LRP2: variants seen among roughly 807,000 people sequenced by gnomAD.
The protein encoded by LRP2 is LDL receptor related protein 2.
In LRP2, 172 loss-of-function variants were observed where a neutral mutation model predicts 531.0. The ratio of observed to expected loss-of-function variants is 0.32; its 90% confidence interval spans 0.29 to 0.37. The LOEUF is 0.37. Among genes scored for constraint, LRP2 ranks in the 10% least tolerant of loss-of-function variants. The pLI is 1.00. For synonymous variants in LRP2, 1,992 were observed against 2,027.6 expected (o/e 0.98, Z 0.47); for missense variants, 5,167 against 5,868.3 (o/e 0.88, Z 3.90).
chr2:169,265,761 C>T (rs553687374), intron 16 of LRP2, among the ~76,000 whole-genome samples: 2 of 152,008 alleles, frequency 1.3e-5, no homozygotes, highest in Admixed American at 6.6e-5. Context: ...TATCATGTAA[C>T]TTGTTTCAGC....
Position 169,152,840 on chromosome 2 carries a change from G to A in LRP2, c.12420C>T (p.Tyr4140=), listed in dbSNP as rs34663643. ...LVQEVDLKLK[Y]VMQPDGIAVD... is the part of the protein sequence containing the mutation. Reference sequence around the variant, plus strand: ...CTGCTATTCCATCTGGCTGCATTACGTATTTCAGTTTCAGGTCAACTTCCT... The same window carrying A: ...CTGCTATTCCATCTGGCTGCATTACATATTTCAGTTTCAGGTCAACTTCCT... Residue 4140 remains tyrosine (Y), a synonymous_variant, in exon 67 of 79, where the codon TAC becomes TAT. Coordinates refer to ENST00000649046, the MANE Select transcript of LRP2 (RefSeq NM_004525.3). 440 of 1,613,934 alleles carry A rather than the reference G, an allele frequency of 2.7e-4. No homozygotes were observed. Among genetic ancestry groups the A allele is most frequent in the African/African-American group, 1.2e-3 (90 of 74,902 alleles).
chr2:169,202,384 G>A (rs929758516), intron 43 of LRP2, among the ~76,000 whole-genome samples: 3 of 152,166 alleles, frequency 2.0e-5, no homozygotes, highest in Non-Finnish European at 2.9e-5. Context: ...CCCAAGCTAA[G>A]CTAGACTTAG....
intron 1 of LRP2, among the ~76,000 whole-genome samples, chr2:169,345,188 T>C (rs1399742838): frequency 6.6e-6 from 1 of 152,158 alleles, no homozygotes; most frequent in Non-Finnish European, 1.5e-5. Flanking sequence ...AAAATAAACC[T>C]CTGTCCTCCT....
In LRP2 at chr2:169,191,172, C is replaced by T. The variant is rs371026905; in HGVS notation, c.9032+660G>A. Among the ~76,000 whole-genome samples the T allele has an allele frequency of 1.2e-3, 188 of 152,328 alleles. 3 individuals are homozygous for T. The highest frequency in any genetic ancestry group is 1.9e-3 in the Non-Finnish European group (131 of 68,028). ...AAAAGAGAGCATCAGAAAGTCTGGC[C>T]TTCCAGCCCTTCTGCATGATATTGA... On this transcript the variant is annotated intron_variant, in intron 48 of 78. Coordinates refer to ENST00000649046, the MANE Select transcript of LRP2 (RefSeq NM_004525.3).
In LRP2 at chr2:169,141,541, G is replaced by A. The variant is rs1251192066; in HGVS notation, c.13109-996C>T. Reference sequence around the variant, plus strand: ...TTGCTTAATTATTATACCAAACCGAGGCCCTATATGGAATGACTGCCATCA... The same window carrying A: ...TTGCTTAATTATTATACCAAACCGAAGCCCTATATGGAATGACTGCCATCA... On this transcript the variant is annotated intron_variant, in intron 71 of 78. Transcript: ENST00000649046. Among the ~76,000 whole-genome samples, 4 of 152,106 alleles carry A rather than the reference G, an allele frequency of 2.6e-5. No homozygotes were observed. In the East Asian group the frequency reaches 7.7e-4, roughly 29 times the overall value.
intron 1 of LRP2, among the ~76,000 whole-genome samples, chr2:169,329,828 C>A (rs564073216): frequency 6.6e-6 from 1 of 152,174 alleles, no homozygotes; most frequent in Non-Finnish European, 1.5e-5. Context: ...GGGAGGGGTC[C>A]CCAGTCCCTG....
chr2:169,217,975 CT>C lies in LRP2; in HGVS notation c.5649-1546del, dbSNP rs1414286332. 3.3e-5 allele frequency among the ~76,000 whole-genome samples: 5 copies of C among 152,246 alleles called. No homozygotes were observed. The East Asian group carries it at 9.7e-4, about 29-fold the overall frequency. ...CACATTTCCTCATCCTCCTTCCATT[CT>C]TTTAACTTCTACTATCTCTATTCAA... On this transcript the variant is annotated intron_variant, in intron 34 of 78. Coordinates refer to ENST00000649046, the MANE Select transcript of LRP2 (RefSeq NM_004525.3).
chr2:169,317,803 A>AC (rs1553513676), intron 3 of LRP2, among the ~76,000 whole-genome samples: 4 of 152,008 alleles, frequency 2.6e-5, no homozygotes, highest in African/African-American at 4.8e-5. Context: ...CAGGCCAGTC[A>AC]TGGGGGGGTC....
At chr2:169,237,530 T>G (rs574183481) in intron 27 of LRP2, among the ~76,000 whole-genome samples, 19 of 152,218 alleles carry the variant, frequency 1.2e-4, no homozygotes, top group Non-Finnish European at 2.5e-4. Context: ...TAGTGCATAG[T>G]TTCGTTTTGG....
At chr2:169,351,140 G>A (rs1035835371) in intron 1 of LRP2, among the ~76,000 whole-genome samples, 8 of 152,214 alleles carry the variant, frequency 5.3e-5, no homozygotes, top group South Asian at 2.1e-4. Flanking sequence ...GATACACTGT[G>A]TGTGATGCTG....
intron 13 of LRP2, among the ~76,000 whole-genome samples, chr2:169,275,538 T>C (rs1683529480): frequency 6.6e-6 from 1 of 152,182 alleles, no homozygotes; most frequent in Non-Finnish European, 1.5e-5. Context: ...TCATTCCTTT[T>C]AGGTTGCCCC....
At chr2:169,313,224 C>T (rs550869380) in intron 3 of LRP2, among the ~76,000 whole-genome samples, 2 of 152,336 alleles carry the variant, frequency 1.3e-5, no homozygotes, top group East Asian at 3.9e-4. Context: ...CAAAGTCACT[C>T]TCCATCCAGC....
Position 169,213,680 on chromosome 2 carries a change from C to G in LRP2, c.6017G>C (p.Gly2006Ala). ...ACTGCGTCTGTGATAAACTTGAAGA[C>G]CCCTCAGATTTGGAACATTATCTCT... ...VLRDNVPNLRGLQVYHRRNAA... is the reference protein window; with the variant it reads ...VLRDNVPNLRALQVYHRRNAA... The change falls in exon 36 of 79, where the codon GGT becomes GCT. Residue 2006 changes from glycine to alanine, a missense_variant. Coordinates refer to ENST00000649046, the MANE Select transcript of LRP2 (RefSeq NM_004525.3). 1.2e-6 allele frequency: 2 copies of G among 1,613,078 alleles called. No individual in the cohort carries two copies. The highest frequency in any genetic ancestry group is 2.2e-5 in the South Asian group (2 of 91,042).
rs748354551 is a variant in LRP2, at chr2:169,211,962, G to T, written c.6280+6C>A. On this transcript the variant is annotated splice_donor_region_variant and intron_variant, in intron 37 of 78. Transcript: ENST00000649046. ...TCAAATCTTACTTATATTGGAGTTGGCATACCTTGGCCTGCCACCGGCACC... is the reference window on the plus strand; with the variant it reads ...TCAAATCTTACTTATATTGGAGTTGTCATACCTTGGCCTGCCACCGGCACC... 6.2e-7 allele frequency: 1 copy of T among 1,613,796 alleles called. No individual in the cohort carries two copies. The highest frequency in any genetic ancestry group is 1.1e-5 in the South Asian group (1 of 91,060).
intron 26 of LRP2, among the ~76,000 whole-genome samples, chr2:169,238,564 T>C (rs1028483216): frequency 2.6e-5 from 4 of 152,142 alleles, no homozygotes; most frequent in Non-Finnish European, 4.4e-5. Context: ...AATACTAGTC[T>C]AGAGTAAACT....
At chr2:169,203,335 T>C (rs564194555) in intron 42 of LRP2, among the ~76,000 whole-genome samples, 105 of 152,308 alleles carry the variant, frequency 6.9e-4, no homozygotes, top group African/African-American at 2.4e-3. Context: ...CTATAAATAA[T>C]ACCTCTTAAG....
chr2:169,160,989 A>G (rs922456075), intron 63 of LRP2, among the ~76,000 whole-genome samples: 1 of 152,204 alleles, frequency 6.6e-6, no homozygotes, highest in Non-Finnish European at 1.5e-5. Flanking sequence ...CTCAGGAAAA[A>G]GTCAATTAGA....
chr2:169,157,433 C>CCCTG lies in LRP2; in HGVS notation c.11956_11957insCAGG (p.Gly3986AlafsTer17). ...CCCAGCTGTACAGGAGCAGATAAAT[C>CCCTG]CTCCTTCATTTAATTGGGTACAATT... On this transcript the variant is annotated frameshift_variant, in exon 64 of 79. Coordinates refer to ENST00000649046, the MANE Select transcript of LRP2 (RefSeq NM_004525.3). LOFTEE classifies it high-confidence loss of function. 1 of 1,406,448 alleles carries CCCTG rather than the reference C, an allele frequency of 7.1e-7. No individual in the cohort carries two copies. The highest frequency in any genetic ancestry group is 1.0e-6 in the Non-Finnish European group (1 of 992,852). 87.1% of individuals were successfully genotyped at this position (1,406,448 alleles called of 1,614,324 possible). A position where few individuals can be genotyped will look rare whatever the true frequency, so the allele number is the denominator to read the frequency against.
intron 3 of LRP2, among the ~76,000 whole-genome samples, chr2:169,314,771 G>A (rs1195284764): frequency 6.6e-6 from 1 of 152,086 alleles, no homozygotes; most frequent in African/African-American, 2.4e-5. Flanking sequence ...TTTCCAGAAG[G>A]CACTTAAGTG....
Sources: allele counts gnomAD v4.1 joint callset (sites outside exome capture counted in the v4.1 genomes callset), GRCh38; gene constraint gnomAD v4.1.1; transcripts MANE v1.5; gene names NCBI Gene and HGNC (gene_info 2026-07-23, HGNC 2026-07-21).